Variants in KCNC4 observed in about 807,000 individuals in gnomAD.
The protein encoded by KCNC4 is voltage-gated potassium channel KCNC4.
A neutral mutation model predicts 42.8 loss-of-function variants in KCNC4; 23 were observed. That is an observed-to-expected ratio of 0.54 (90% confidence interval 0.39 to 0.76). The LOEUF is 0.76. Among genes scored for constraint, KCNC4 ranks in the 30% least tolerant of loss-of-function variants. The pLI, the probability that KCNC4 is intolerant of heterozygous loss-of-function variation, is 0.00. For missense variants in KCNC4, 751 were observed against 898.2 expected, an observed-to-expected ratio of 0.84 and a Z score of 2.10; for synonymous variants, 422 against 393.5, an observed-to-expected ratio of 1.07 and a Z score of -0.86.
rs1217778854 is a variant in KCNC4, at chr1:110,211,331, C to T, written c.-169C>T. 2.0e-6 allele frequency: 2 copies of T among 995,760 alleles called. No individual in the cohort carries two copies. Among genetic ancestry groups the T allele is most frequent in the Non-Finnish European group, 2.9e-6 (2 of 696,380 alleles). 61.7% of individuals were successfully genotyped at this position (995,760 alleles called of 1,614,324 possible). On this transcript the variant is annotated 5_prime_UTR_variant, in exon 1 of 4. Transcript: ENST00000438661. This position sits in a 1 kb window ranked among gnomAD's most constrained non-coding sequence, Gnocchi z 6.5. Reference sequence around the variant, plus strand: ...TACCGGAGAAATCCAACTCCTCCCGCTCCGCGTCCTAGGGGGATAGGCAGG... The same window carrying T: ...TACCGGAGAAATCCAACTCCTCCCGTTCCGCGTCCTAGGGGGATAGGCAGG...
rs78733113 is a variant in KCNC4 at position 110,216,941 on chromosome 1, A to G, written c.678+4764A>G. 1.0e-3 allele frequency among the ~76,000 whole-genome samples: 153 copies of G among 152,298 alleles called. 3 individuals carry two copies. In the East Asian group the frequency reaches 0.026, roughly 26 times the overall value. On this transcript the variant is annotated intron_variant, in intron 1 of 3. Coordinates refer to ENST00000438661, the MANE Select transcript of KCNC4 (RefSeq NM_001039574.3). ...GCATATACCCTTGTCACTTTGTCCC[A>G]GTCAGTGGAGCTGATGACCTCTTCT...
At chr1:110,281,753 T>C (rs1441775076) in intron 1 of KCNC4, among the ~76,000 whole-genome samples, 1 of 152,134 alleles carries the variant, frequency 6.6e-6, no homozygotes, top group African/African-American at 2.4e-5. Flanking sequence ...GGTCCAGGAA[T>C]TTGGTATCCC....
At position 110,212,189 on chromosome 1, in the gene KCNC4, G is replaced by A. The variant is rs1476550496; in HGVS notation, c.678+12G>A. 6.8e-7 allele frequency: 1 copy of A among 1,469,220 alleles called. No individual in the cohort carries two copies. Among genetic ancestry groups the A allele is most frequent in the Non-Finnish European group, 8.9e-7 (1 of 1,126,560 alleles). 91.0% of individuals were successfully genotyped at this position (1,469,220 alleles called of 1,614,324 possible). On this transcript the variant is annotated intron_variant, in intron 1 of 3. Transcript: ENST00000438661. ...CCCGGGCCGCTAGGGTGAGTGGCAG[G>A]AGCCCGTGTCTCCCCATCTTGGGTC...
chr1:110,230,145 C>T (rs76650108), intron 3 of KCNC4, among the ~76,000 whole-genome samples: 7,937 of 152,206 alleles, frequency 0.052, 733 homozygotes, highest in African/African-American at 0.18. Context: ...CAGAAATGTC[C>T]TTCTGGAAAG....
At chr1:110,238,040 C>T (rs1034623818), downstream of KCNC4, 1 of 152,272 alleles carries the variant, frequency 6.6e-6, no homozygotes, top group Non-Finnish European at 1.5e-5. Flanking sequence ...TAAAGAGCCG[C>T]TGGGGACTCT....
chr1:110,281,555 A>AACACACACACACACACACACAC (rs55839432), intron 1 of KCNC4, among the ~76,000 whole-genome samples: 87 of 140,440 alleles, frequency 6.2e-4, no homozygotes, highest in African/African-American at 2.0e-3. Context: ...CATATGTAAA[A>AACACACACACACACACACACAC]ACACACACAC....
rs1406381937 is a variant in KCNC4 at position 110,211,412 on chromosome 1, C to T, written c.-88C>T. ...CCGCCTCCTGCCTCCTCTTCGTCTCCTCCCCCTCCCCCGTCTGACGCTGCC... is the reference window on the plus strand; with the variant it reads ...CCGCCTCCTGCCTCCTCTTCGTCTCTTCCCCCTCCCCCGTCTGACGCTGCC... On this transcript the variant is annotated 5_prime_UTR_variant, in exon 1 of 4. Coordinates refer to ENST00000438661, the MANE Select transcript of KCNC4 (RefSeq NM_001039574.3). This position sits in a 1 kb window ranked among gnomAD's most constrained non-coding sequence, Gnocchi z 6.5. The T allele has an allele frequency of 7.4e-6, 11 of 1,484,572 alleles. No individual in the cohort carries two copies. The highest frequency in any genetic ancestry group is 7.4e-5 in the East Asian group (3 of 40,544). 92.0% of individuals were successfully genotyped at this position (1,484,572 alleles called of 1,614,324 possible).
At position 110,263,438 on chromosome 1, in the gene KCNC4, GCTGT is replaced by G. The variant is rs1265018516; in HGVS notation, n.31-19093_31-19090del. 5.9e-5 allele frequency among the ~76,000 whole-genome samples: 9 copies of G among 152,080 alleles called. No homozygotes were observed. The East Asian group carries it at 1.7e-3, about 29-fold the overall frequency. Reference sequence around the variant, plus strand: ...ATTTCCTAGGGTTGACATTTCCTTGGCTGTCTAAGATTGCTGCTGGAGATAGAAT... The same window carrying G: ...ATTTCCTAGGGTTGACATTTCCTTGGCTAAGATTGCTGCTGGAGATAGAAT... On this transcript the variant is annotated intron_variant and non_coding_transcript_variant, in intron 1 of 2. Coordinates refer to the KCNC4 transcript ENST00000412512.
At chr1:110,275,211 C>T (rs763433220) in intron 1 of KCNC4, among the ~76,000 whole-genome samples, 9 of 152,030 alleles carry the variant, frequency 5.9e-5, no homozygotes, top group Non-Finnish European at 1.3e-4. Flanking sequence ...AATGAATAGA[C>T]ATTTTCAAAA....
exon 4 of KCNC4, chr1:110,248,140 T>G (rs959679158): frequency 6.6e-6 from 1 of 152,232 alleles, no homozygotes; most frequent in African/African-American, 2.4e-5. Flanking sequence ...TCATGAAGAT[T>G]ATTAATTCTC....
intron 1 of KCNC4, among the ~76,000 whole-genome samples, chr1:110,215,400 T>C (rs1045046837): frequency 4.6e-5 from 7 of 152,162 alleles, no homozygotes; most frequent in African/African-American, 1.4e-4. Flanking sequence ...CAGTGGAGGT[T>C]TGGCAGCATC....
chr1:110,223,856 G>GC lies in KCNC4; in HGVS notation c.1577dup (p.Ala527CysfsTer15). On this transcript the variant is annotated frameshift_variant, in exon 2 of 4. Coordinates refer to ENST00000438661, the MANE Select transcript of KCNC4 (RefSeq NM_001039574.3). LOFTEE classifies it high-confidence loss of function. This position sits in a 1 kb window ranked among gnomAD's most constrained non-coding sequence, Gnocchi z 7.5. The stretch of plus-strand genomic sequence containing the variant: ...CGGGACAGCACCTGCAGTGATACCA[G>GC]CCCCCCTGCCCGGGAAGAGGGTATG... 1 of 1,605,644 alleles carries GC rather than the reference G, an allele frequency of 6.2e-7. No homozygotes were observed. Among genetic ancestry groups the GC allele is most frequent in the Non-Finnish European group, 8.5e-7 (1 of 1,174,200 alleles).
At chr1:110,273,326 T>C (rs1160644151) in intron 1 of KCNC4, among the ~76,000 whole-genome samples, 1 of 152,226 alleles carries the variant, frequency 6.6e-6, no homozygotes, top group African/African-American at 2.4e-5. Flanking sequence ...CACTAAATCA[T>C]GAGTTTCTGC....
At chr1:110,257,632 A>C (rs1431357507) in intron 1 of KCNC4, among the ~76,000 whole-genome samples, 1 of 149,656 alleles carries the variant, frequency 6.7e-6, no homozygotes, top group Non-Finnish European at 1.5e-5. Context: ...GAGGCAGGAG[A>C]ATGGCGTGAA....
chr1:110,241,952 G>A (rs989738665), exon 4 of KCNC4: 5 of 152,228 alleles, frequency 3.3e-5, no homozygotes, highest in Non-Finnish European at 5.9e-5. Context: ...AGGAATGAGT[G>A]AATGAGTAAG....
chr1:110,226,419 A>G (rs1201939633), intron 3 of KCNC4: 1 of 556,356 alleles, frequency 1.8e-6, no homozygotes, highest in African/African-American at 1.9e-5. Context: ...GAGCAGCGCT[A>G]GAGGGTAAAG....
intron 1 of KCNC4, among the ~76,000 whole-genome samples, chr1:110,216,153 C>T (rs1441354458): frequency 6.6e-6 from 1 of 152,244 alleles, no homozygotes; most frequent in Non-Finnish European, 1.5e-5. Flanking sequence ...GCATTCCTGC[C>T]TGCCCGCTTC....
intron 3 of KCNC4, among the ~76,000 whole-genome samples, chr1:110,230,184 C>T (rs575037696): frequency 2.0e-5 from 3 of 152,210 alleles, no homozygotes; most frequent in African/African-American, 7.2e-5. Context: ...CTGGGATACC[C>T]CCACCCTGCA....
chr1:110,221,582 G>C (rs1298501431), intron 1 of KCNC4: 1 of 152,180 alleles, frequency 6.6e-6, no homozygotes, highest in Non-Finnish European at 1.5e-5. Flanking sequence ...AACAAGGTAT[G>C]CCCTCCCCAT....
Sources: allele counts gnomAD v4.1 joint callset (sites outside exome capture counted in the v4.1 genomes callset), GRCh38; gene constraint gnomAD v4.1.1; non-coding constraint Gnocchi (gnomAD v3.1); transcripts MANE v1.5; gene names NCBI Gene and HGNC (gene_info 2026-07-23, HGNC 2026-07-21).